Variants in STXBP5L observed in about 807,000 individuals in gnomAD.
The protein encoded by STXBP5L is syntaxin binding protein 5L, also known as syntaxin-binding protein 5-like.
A neutral mutation model predicts 144.5 loss-of-function variants in STXBP5L; 65 were observed. The ratio of observed to expected loss-of-function variants is 0.45; its 90% CI spans 0.37 to 0.55. The LOEUF is 0.55. Among genes scored for constraint, STXBP5L ranks in the 20% least tolerant of loss-of-function variants. The pLI is 0.00. For synonymous variants in STXBP5L, 505 were observed against 469.6 expected, an observed-to-expected ratio of 1.08 and a Z score of -0.97; for missense variants, 1,298 against 1,405.5, an observed-to-expected ratio of 0.92 and a Z score of 1.22.
intron 3 of STXBP5L, among the ~76,000 whole-genome samples, chr3:121,013,145 C>G (rs1434998159): frequency 1.3e-5 from 2 of 151,890 alleles, no homozygotes; most frequent in South Asian, 2.1e-4. Flanking sequence ...ATGAATAGTG[C>G]TGTAATAAAC....
intron 19 of STXBP5L, among the ~76,000 whole-genome samples, chr3:121,302,783 G>A (rs1009541817): frequency 6.6e-6 from 1 of 152,124 alleles, no homozygotes; most frequent in Non-Finnish European, 1.5e-5. Flanking sequence ...AATGGGGAAA[G>A]GATTCCCTAT....
chr3:120,990,562 A>G (rs1303853068), intron 3 of STXBP5L, among the ~76,000 whole-genome samples: 1 of 151,930 alleles, frequency 6.6e-6, no homozygotes, highest in Non-Finnish European at 1.5e-5. Context: ...AAACTATACT[A>G]CAAGGCTACA....
At chr3:121,271,882 A>T (rs1374567743) in intron 18 of STXBP5L, among the ~76,000 whole-genome samples, 1 of 152,208 alleles carries the variant, frequency 6.6e-6, no homozygotes, top group Non-Finnish European at 1.5e-5. Context: ...ACTTACAATC[A>T]TGGTGGAAGG....
At chr3:121,044,868 G>T (rs986866536) in intron 4 of STXBP5L, among the ~76,000 whole-genome samples, 2 of 152,226 alleles carry the variant, frequency 1.3e-5, no homozygotes, top group Non-Finnish European at 2.9e-5. Context: ...CTAAATTCTA[G>T]TTGGAGAAAT....
At chr3:121,409,412 A>T (rs2047067624) in intron 23 of STXBP5L, among the ~76,000 whole-genome samples, 1 of 151,974 alleles carries the variant, frequency 6.6e-6, no homozygotes, top group Non-Finnish European at 1.5e-5. Flanking sequence ...CAAGAAAAAA[A>T]CAGTAGATCT....
intron 3 of STXBP5L, among the ~76,000 whole-genome samples, chr3:121,007,519 T>C (rs1944428478): frequency 6.6e-6 from 1 of 152,092 alleles, no homozygotes; most frequent in Non-Finnish European, 1.5e-5. Context: ...TATGAATTTT[T>C]TTCTTGGAAA....
At chr3:121,345,805 T>C (rs1193198668) in intron 20 of STXBP5L, among the ~76,000 whole-genome samples, 1 of 152,084 alleles carries the variant, frequency 6.6e-6, no homozygotes, top group Non-Finnish European at 1.5e-5. Context: ...CATAGAAGTC[T>C]TCTTTTTTTA....
chr3:121,108,253 A>G (rs1454398521), intron 5 of STXBP5L, among the ~76,000 whole-genome samples: 1 of 152,106 alleles, frequency 6.6e-6, no homozygotes, highest in Non-Finnish European at 1.5e-5. Context: ...TACTATGTTG[A>G]ATAGGAGTGG....
At chr3:120,985,336 A>G (rs1576576223) in intron 3 of STXBP5L, among the ~76,000 whole-genome samples, 1 of 152,198 alleles carries the variant, frequency 6.6e-6, no homozygotes, top group Non-Finnish European at 1.5e-5. Context: ...GGGTTACAAT[A>G]TGATATTTTG....
At chr3:121,358,581 A>G (rs1259499743) in intron 20 of STXBP5L, among the ~76,000 whole-genome samples, 1 of 152,156 alleles carries the variant, frequency 6.6e-6, no homozygotes, top group Non-Finnish European at 1.5e-5. Context: ...AACCACCACC[A>G]TGATTCAGTC....
chr3:121,067,879 A>G (rs552410424), intron 5 of STXBP5L, among the ~76,000 whole-genome samples: 2 of 152,238 alleles, frequency 1.3e-5, no homozygotes, highest in Admixed American at 1.3e-4. Flanking sequence ...CTTGAAATAT[A>G]CATTGATATT....
At chr3:121,348,722 T>C (rs1254883876) in intron 20 of STXBP5L, among the ~76,000 whole-genome samples, 2 of 152,134 alleles carry the variant, frequency 1.3e-5, no homozygotes, top group East Asian at 3.8e-4. Flanking sequence ...CCATTTCTTC[T>C]AGATTTTGTA....
intron 22 of STXBP5L, among the ~76,000 whole-genome samples, chr3:121,391,900 C>G (rs1036412285): frequency 7.9e-5 from 12 of 152,214 alleles, no homozygotes; most frequent in African/African-American, 2.9e-4. Context: ...GTTCTCAGAG[C>G]TCAAACACCA....
intron 20 of STXBP5L, among the ~76,000 whole-genome samples, chr3:121,341,849 C>A (rs1653038373): frequency 7.5e-6 from 1 of 134,166 alleles, no homozygotes; most frequent in African/African-American, 2.8e-5. Flanking sequence ...ATACTAGAGG[C>A]TGAGAAGGGT....
intron 20 of STXBP5L, among the ~76,000 whole-genome samples, chr3:121,339,124 A>C (rs1239337462): frequency 6.6e-6 from 1 of 152,138 alleles, no homozygotes; most frequent in Non-Finnish European, 1.5e-5. Context: ...AAAAACACAA[A>C]ATGACAGACC....
chr3:121,054,636 G>A (rs1576798663), intron 5 of STXBP5L, among the ~76,000 whole-genome samples: 1 of 150,892 alleles, frequency 6.6e-6, no homozygotes, highest in East Asian at 2.0e-4. Context: ...TATACCTAAT[G>A]GTAAATGACG....
intron 5 of STXBP5L, among the ~76,000 whole-genome samples, chr3:121,084,485 G>C (rs1160958209): frequency 6.6e-6 from 1 of 152,098 alleles, no homozygotes; most frequent in South Asian, 2.1e-4. Flanking sequence ...GTGATACATG[G>C]CTGATGATAA....
chr3:120,964,117 T>C (rs1286767340), intron 3 of STXBP5L, among the ~76,000 whole-genome samples: 1 of 152,210 alleles, frequency 6.6e-6, no homozygotes, highest in Non-Finnish European at 1.5e-5. Flanking sequence ...TCGGTGGTGA[T>C]ATTCTTTTTA....
At chr3:121,061,975 A>C (rs1374686405) in intron 5 of STXBP5L, among the ~76,000 whole-genome samples, 1 of 152,130 alleles carries the variant, frequency 6.6e-6, no homozygotes, top group Non-Finnish European at 1.5e-5. Flanking sequence ...ATTAAGGTTA[A>C]TATTGTTATG....
Sources: gnomAD v4.1 joint callset for allele counts (sites outside exome capture counted in the v4.1 genomes callset) on GRCh38, gnomAD v4.1.1 for gene constraint, MANE v1.5 for transcripts, NCBI Gene and HGNC (gene_info 2026-07-23, HGNC 2026-07-21) for gene names.